DPP4: variants seen among roughly 807,000 people sequenced by gnomAD.
DPP4 encodes the protein ADCP-2.
In DPP4, 93 loss-of-function variants were observed where a neutral mutation model predicts 122.4. That is an observed-to-expected ratio of 0.76 (90% CI 0.64 to 0.90). The LOEUF (loss-of-function observed/expected upper bound fraction) is 0.90, where lower values mean the gene tolerates loss of function less well. DPP4 is among the 40% of genes least tolerant of loss of function. DPP4 has a pLI of 0.00. For missense variants in DPP4, 914 were observed against 907.3 expected (o/e 1.01, Z -0.09); for synonymous variants, 321 against 302.9 (o/e 1.06, Z -0.62).
intron 20 of DPP4, among the ~76,000 whole-genome samples, chr2:162,009,670 T>A (rs932626445): frequency 6.6e-6 from 1 of 152,194 alleles, no homozygotes; most frequent in Non-Finnish European, 1.5e-5. Flanking sequence ...GTTTTTCAGT[T>A]TGGGAGAGTC....
At chr2:162,026,105 C>T (rs1683323042) in intron 10 of DPP4, among the ~76,000 whole-genome samples, 1 of 152,194 alleles carries the variant, frequency 6.6e-6, no homozygotes, top group East Asian at 1.9e-4. Flanking sequence ...TAGCTTTGTC[C>T]TTCTTCAGAA....
At chr2:162,017,240 G>C in intron 16 of DPP4, 85 bp from the exon 17 acceptor site, 4 of 1,143,362 alleles carry the variant, frequency 3.5e-6, no homozygotes, top group Non-Finnish European at 5.1e-6. Context: ...AATACCATTT[G>C]TTACCATTTA....
chr2:162,018,906 G>A, intron 15 of DPP4, 56 bp from the exon 16 acceptor site: 1 of 1,602,730 alleles, frequency 6.2e-7, no homozygotes, highest in Non-Finnish European at 8.5e-7. Context: ...TGAGAGGAAG[G>A]AACTGAATAA....
chr2:162,070,076 G>A (rs1645323917), intron 2 of DPP4, among the ~76,000 whole-genome samples: 1 of 152,130 alleles, frequency 6.6e-6, no homozygotes, highest in African/African-American at 2.4e-5. Context: ...AAGCCATGAA[G>A]AGTTCTACAA....
intron 11 of DPP4, among the ~76,000 whole-genome samples, chr2:162,023,884 T>G (rs1430402131): frequency 1.3e-5 from 2 of 152,218 alleles, no homozygotes; most frequent in African/African-American, 2.4e-5. Flanking sequence ...TTTGATAATA[T>G]TCCCAACTAG....
chr2:161,995,564 GA>G (rs1165181084), intron 23 of DPP4, among the ~76,000 whole-genome samples, 192 bp from the exon 24 acceptor site: 1 of 152,186 alleles, frequency 6.6e-6, no homozygotes, highest in Admixed American at 6.5e-5. Flanking sequence ...TGGGAGACAG[GA>G]CTGGAAGGGA....
chr2:162,020,487 C>G, intron 13 of DPP4, 94 bp downstream of exon 13: 2 of 1,067,312 alleles, frequency 1.9e-6, no homozygotes, highest in Non-Finnish European at 2.7e-6. Flanking sequence ...TTTTTATACA[C>G]ATTGATCCAC....
At chr2:162,018,008 G>A (rs1023015745) in intron 16 of DPP4, among the ~76,000 whole-genome samples, 1 of 151,292 alleles carries the variant, frequency 6.6e-6, no homozygotes, top group Non-Finnish European at 1.5e-5. Context: ...ACAGTGCTTA[G>A]AATAAAGCGC....
intron 10 of DPP4, among the ~76,000 whole-genome samples, chr2:162,025,967 C>T (rs183669427): frequency 1.2e-4 from 18 of 152,260 alleles, no homozygotes; most frequent in Middle Eastern, 6.8e-3. Context: ...TACAGGGTGT[C>T]CCCAGGGCCT....
At chr2:162,068,574 A>G (rs1050091712) in intron 2 of DPP4, among the ~76,000 whole-genome samples, 4 of 152,190 alleles carry the variant, frequency 2.6e-5, no homozygotes, top group Non-Finnish European at 4.4e-5. Context: ...AGCAGAAGGA[A>G]TGGTATACCT....
chr2:162,033,862 G>GTACATATATATA (rs1683658843), intron 9 of DPP4, among the ~76,000 whole-genome samples: 1 of 104,038 alleles, frequency 9.6e-6, no homozygotes, highest in Admixed American at 1.1e-4. Context: ...CAGAATATGT[G>GTACATATATATA]TATATATATA....
At chr2:162,027,928 T>C (rs903996903) in intron 10 of DPP4, among the ~76,000 whole-genome samples, 2 of 152,262 alleles carry the variant, frequency 1.3e-5, no homozygotes, top group South Asian at 4.1e-4. Flanking sequence ...CTCTGCACCC[T>C]GTGCATGCTC....
chr2:162,025,608 A>G (rs1447103528), intron 10 of DPP4, among the ~76,000 whole-genome samples: 1 of 152,148 alleles, frequency 6.6e-6, no homozygotes, highest in African/African-American at 2.4e-5. Context: ...CACATACTTA[A>G]AAAATTTTTG....
chr2:161,993,068 GGAT>G lies in DPP4; in HGVS notation c.*212_*214del. 1 of 434,254 alleles carries G rather than the reference GGAT, an allele frequency of 2.3e-6. No homozygotes were observed. Among genetic ancestry groups the G allele is most frequent in the East Asian group, 3.5e-5 (1 of 28,238 alleles). 26.9% of individuals were successfully genotyped at this position (434,254 alleles called of 1,614,324 possible). A position where few individuals can be genotyped will look rare whatever the true frequency, so the allele number is the denominator to read the frequency against. ...TGATTTTAAACAATAAAACCCGACC[GGAT>G]AATTCAAACTTCTGTAAGGTAATAA... On this transcript the variant is annotated 3_prime_UTR_variant, in exon 26 of 26. Transcript: ENST00000360534.
At chr2:162,001,031 C>G (rs1321947288) in intron 23 of DPP4, among the ~76,000 whole-genome samples, 1 of 152,168 alleles carries the variant, frequency 6.6e-6, no homozygotes, top group Non-Finnish European at 1.5e-5. Flanking sequence ...CTGCCTTCCC[C>G]CAATACGTAA....
chr2:162,041,503 A>G (rs953246879), intron 5 of DPP4, among the ~76,000 whole-genome samples: 4 of 152,172 alleles, frequency 2.6e-5, no homozygotes, highest in Admixed American at 6.5e-5. Context: ...AACCTTAACT[A>G]TTTATCACTT....
intron 4 of DPP4, among the ~76,000 whole-genome samples, chr2:162,046,329 A>G (rs920020818): frequency 1.1e-4 from 16 of 152,212 alleles, no homozygotes; most frequent in African/African-American, 3.6e-4. Flanking sequence ...ATTGTCGCCA[A>G]CTATGGGGGA....
At chr2:162,021,543 G>C (rs890170906) in intron 12 of DPP4, 5 of 152,106 alleles carry the variant, frequency 3.3e-5, no homozygotes, top group African/African-American at 1.2e-4. Context: ...CTCCCATTTT[G>C]GGAAGGAAGA....
intron 2 of DPP4, among the ~76,000 whole-genome samples, chr2:162,063,900 GA>G (rs1684867680): frequency 6.6e-6 from 1 of 152,094 alleles, no homozygotes; most frequent in Non-Finnish European, 1.5e-5. Flanking sequence ...AATAGAGATG[GA>G]AAAAATGATG....
Sources: gnomAD v4.1 joint callset for allele counts (sites outside exome capture counted in the v4.1 genomes callset) on GRCh38, gnomAD v4.1.1 for gene constraint, MANE v1.5 for transcripts, NCBI Gene and HGNC (gene_info 2026-07-23, HGNC 2026-07-21) for gene names.